Variants in NRXN3 observed in about 807,000 individuals in gnomAD.
NRXN3 encodes neurexin 3.
A neutral mutation model predicts 137.6 loss-of-function variants in NRXN3; 32 were observed. The ratio of observed to expected loss-of-function variants is 0.23; its 90% CI spans 0.18 to 0.31. The LOEUF (loss-of-function observed/expected upper bound fraction) is 0.31. Among genes scored for constraint, NRXN3 ranks in the 10% least tolerant of loss-of-function variants. NRXN3 has a pLI of 1.00. For synonymous variants in NRXN3, 798 were observed against 784.5 expected, an observed-to-expected ratio of 1.02 and a Z score of -0.29; for missense variants, 1,574 against 2,062.5, an observed-to-expected ratio of 0.76 and a Z score of 4.59.
chr14:78,274,800 C>T (rs1291506612), intron 2 of NRXN3, among the ~76,000 whole-genome samples: 1 of 152,110 alleles, frequency 6.6e-6, no homozygotes, highest in Admixed American at 6.5e-5. Context: ...TGTTTTGTTC[C>T]TACTGTTTAG....
intron 4 of NRXN3, among the ~76,000 whole-genome samples, chr14:78,362,715 A>G (rs1199352471): frequency 6.6e-6 from 1 of 152,236 alleles, no homozygotes; most frequent in Non-Finnish European, 1.5e-5. Context: ...CATGGCTATC[A>G]GCTAGATCCA....
chr14:78,275,504 G>T (rs1241052289), intron 2 of NRXN3, among the ~76,000 whole-genome samples: 1 of 152,114 alleles, frequency 6.6e-6, no homozygotes, highest in Non-Finnish European at 1.5e-5. Flanking sequence ...ATTAAGAAAA[G>T]CTGTTTTCTT....
At chr14:79,525,254 C>G (rs759133366) in intron 16 of NRXN3, among the ~76,000 whole-genome samples, 1 of 152,052 alleles carries the variant, frequency 6.6e-6, no homozygotes, top group Non-Finnish European at 1.5e-5. Context: ...AACACCACCT[C>G]GAGGGTTTCC....
At chr14:78,214,802 G>T (rs1013960004) in intron 1 of NRXN3, among the ~76,000 whole-genome samples, 1 of 152,186 alleles carries the variant, frequency 6.6e-6, no homozygotes, top group African/African-American at 2.4e-5. Context: ...AGGGGCGCCA[G>T]AGCTGGGGCT....
chr14:79,439,062 T>A (rs747955425), intron 15 of NRXN3, among the ~76,000 whole-genome samples: 3 of 152,258 alleles, frequency 2.0e-5, no homozygotes, highest in Admixed American at 1.3e-4. Flanking sequence ...CTCTGCAAGA[T>A]GCATTCTGGC....
chr14:78,370,153 G>T (rs2086593684), intron 4 of NRXN3, among the ~76,000 whole-genome samples: 1 of 151,860 alleles, frequency 6.6e-6, no homozygotes, highest in South Asian at 2.1e-4. Flanking sequence ...ATCTCCCCTT[G>T]TCTCCTCACA....
intron 15 of NRXN3, among the ~76,000 whole-genome samples, chr14:79,089,300 T>C (rs1324642412): frequency 6.6e-6 from 1 of 152,098 alleles, no homozygotes; most frequent in Non-Finnish European, 1.5e-5. Context: ...AAAAAACTGC[T>C]TTGAGCTCCC....
At chr14:79,568,731 A>AT (rs1280198554) in intron 16 of NRXN3, among the ~76,000 whole-genome samples, 2 of 152,166 alleles carry the variant, frequency 1.3e-5, no homozygotes, top group Admixed American at 1.3e-4. Context: ...GGAGTAACCC[A>AT]TTTTATCAGT....
intron 8 of NRXN3, among the ~76,000 whole-genome samples, chr14:78,758,645 G>A (rs773818026): frequency 1.3e-5 from 2 of 152,166 alleles, no homozygotes; most frequent in Non-Finnish European, 2.9e-5. Flanking sequence ...AGCTCCATCC[G>A]TTTTTCTTTC....
intron 10 of NRXN3, among the ~76,000 whole-genome samples, chr14:78,923,458 G>T (rs2099276531): frequency 1.3e-5 from 2 of 152,194 alleles, no homozygotes; most frequent in African/African-American, 4.8e-5. Flanking sequence ...AAGGATTTAA[G>T]TTGTTTCACC....
At chr14:79,469,374 G>A (rs188970336) in intron 16 of NRXN3, among the ~76,000 whole-genome samples, 21 of 152,136 alleles carry the variant, frequency 1.4e-4, no homozygotes, top group Admixed American at 1.2e-3. Context: ...GAACATTCCA[G>A]TATATTTTAA....
At chr14:78,222,828 G>C (rs2064012622) in intron 1 of NRXN3, among the ~76,000 whole-genome samples, 1 of 152,268 alleles carries the variant, frequency 6.6e-6, no homozygotes, top group African/African-American at 2.4e-5. Flanking sequence ...TAGGCTCTAA[G>C]CTCCTTGTAG....
At chr14:78,689,188 A>C (rs1355002088) in intron 6 of NRXN3, among the ~76,000 whole-genome samples, 1 of 151,996 alleles carries the variant, frequency 6.6e-6, no homozygotes, top group Non-Finnish European at 1.5e-5. Context: ...AACTACTTAA[A>C]AGTATAGTTA....
chr14:78,861,858 C>T (rs2152530045), intron 10 of NRXN3, among the ~76,000 whole-genome samples: 1 of 152,230 alleles, frequency 6.6e-6, no homozygotes, highest in Middle Eastern at 3.4e-3. Context: ...ACTAGTTTCC[C>T]ATTTCCTTAT....
intron 20 of NRXN3, among the ~76,000 whole-genome samples, chr14:79,823,323 C>T (rs2099278455): frequency 6.6e-6 from 1 of 152,028 alleles, no homozygotes; most frequent in Non-Finnish European, 1.5e-5. Flanking sequence ...GACTTAAGGT[C>T]CTGAATCAGG....
chr14:78,364,454 A>C (rs1018915849), intron 4 of NRXN3, among the ~76,000 whole-genome samples: 9 of 152,224 alleles, frequency 5.9e-5, no homozygotes, highest in Admixed American at 1.3e-4. Flanking sequence ...TAGGTGCTAA[A>C]ACTTCCACTT....
chr14:78,928,476 G>A (rs1597493571), intron 10 of NRXN3, among the ~76,000 whole-genome samples: 1 of 152,062 alleles, frequency 6.6e-6, no homozygotes, highest in African/African-American at 2.4e-5. Flanking sequence ...ACAGGCCCTG[G>A]TGTGTGATGT....
intron 17 of NRXN3, among the ~76,000 whole-genome samples, chr14:79,685,748 T>C (rs931708149): frequency 6.6e-6 from 1 of 152,212 alleles, no homozygotes; most frequent in Non-Finnish European, 1.5e-5. Flanking sequence ...GGATAATGAT[T>C]GGTAAAATAT....
At chr14:78,752,488 A>G (rs1018992041) in intron 8 of NRXN3, among the ~76,000 whole-genome samples, 7 of 152,228 alleles carry the variant, frequency 4.6e-5, no homozygotes, top group African/African-American at 1.7e-4. Context: ...ATGTATGCCA[A>G]GCATTGGGAG....
Sources: allele counts gnomAD v4.1 joint callset (sites outside exome capture counted in the v4.1 genomes callset), GRCh38; gene constraint gnomAD v4.1.1; transcripts MANE v1.5; gene names NCBI Gene and HGNC (gene_info 2026-07-23, HGNC 2026-07-21).